CPNE4: variants seen among roughly 807,000 people sequenced by gnomAD.
CPNE4 encodes copine 4.
Under a neutral mutation model 67.9 loss-of-function variants are expected in CPNE4, and 25 were observed. The observed-to-expected ratio is 0.37, with a 90% confidence interval of 0.27 to 0.51. CPNE4 has a LOEUF of 0.51. CPNE4 is among the 20% of genes least tolerant of loss of function. The pLI is 0.93. For missense variants in CPNE4, 464 were observed against 690.8 expected (o/e 0.67, Z 3.68); for synonymous variants, 242 against 244.9 (o/e 0.99, Z 0.11).
chr3:131,855,463 T>C (rs16837915), intron 2 of CPNE4, among the ~76,000 whole-genome samples: 48,605 of 151,842 alleles, frequency 0.32, 8,315 homozygotes, highest in African/African-American at 0.42. Context: ...GTTCCATCTT[T>C]CACAGCACTC....
At chr3:131,825,730 G>A (rs1002950998) in intron 2 of CPNE4, among the ~76,000 whole-genome samples, 3 of 152,266 alleles carry the variant, frequency 2.0e-5, no homozygotes, top group South Asian at 4.2e-4. Context: ...TAAGGGCCAG[G>A]AGACAAGATC....
At chr3:131,716,665 G>C (rs1157705332) in intron 3 of CPNE4, among the ~76,000 whole-genome samples, 1 of 152,162 alleles carries the variant, frequency 6.6e-6, no homozygotes, top group African/African-American at 2.4e-5. Flanking sequence ...AGTAATAACA[G>C]CTTCCCCATC....
At chr3:131,843,608 G>T (rs2085880624) in intron 2 of CPNE4, among the ~76,000 whole-genome samples, 1 of 152,214 alleles carries the variant, frequency 6.6e-6, no homozygotes, top group African/African-American at 2.4e-5. Context: ...TGTTTGAACA[G>T]GTAGTACCTT....
In CPNE4 at chr3:131,555,498, G is replaced by A. The variant is rs1270638939; in HGVS notation, c.1115C>T (p.Thr372Met). 6.8e-6 allele frequency: 11 copies of A among 1,611,740 alleles called. No individual in the cohort carries two copies. The highest frequency in any genetic ancestry group is 3.3e-5 in the Admixed American group (2 of 59,822). The change falls in exon 12 of 16, where the codon ACG becomes ATG. Residue 372 changes from threonine to methionine, a missense_variant and splice_region_variant. Thr to Met is a moderately conservative substitution (Grantham distance 81, BLOSUM62 -1). Around this residue, in one of 6 missense-constraint regions of CPNE4, gnomAD observed 201 missense variants for 357.7 expected, o/e 0.56. Transcript: ENST00000429747. Reference protein sequence around the residue: ...GFGARIPPEYTVSHDFAINFN... With the variant: ...GFGARIPPEYMVSHDFAINFN... ...AAGATCACATCTCCACTCACTCACC[G>A]TGTACTCTGGAGGTATCCTGGCGCC...
intron 1 of CPNE4, among the ~76,000 whole-genome samples, chr3:131,953,248 A>AAAAAT (rs1560669085): frequency 0.013 from 1,870 of 142,468 alleles, 58 homozygotes; most frequent in African/African-American, 0.042. Flanking sequence ...TTAAAAAAAA[A>AAAAAT]AAAAAAAAAA....
chr3:131,809,146 T>G (rs1210430053), intron 2 of CPNE4, among the ~76,000 whole-genome samples: 1 of 152,154 alleles, frequency 6.6e-6, no homozygotes, highest in Non-Finnish European at 1.5e-5. Flanking sequence ...AGGGAGATTA[T>G]CTTAAATTAT....
intron 2 of CPNE4, among the ~76,000 whole-genome samples, chr3:131,778,232 C>T (rs1175990125): frequency 1.3e-5 from 2 of 152,122 alleles, no homozygotes; most frequent in African/African-American, 2.4e-5. Flanking sequence ...CTGACTCATA[C>T]TGCATGCACA....
chr3:132,013,062 A>C (rs1034342166), intron 1 of CPNE4, among the ~76,000 whole-genome samples: 3 of 152,122 alleles, frequency 2.0e-5, no homozygotes, highest in Admixed American at 2.0e-4. Context: ...ATCTCTACTA[A>C]AAATACAAAA....
At chr3:132,031,566 G>A (rs1024750111) in intron 1 of CPNE4, among the ~76,000 whole-genome samples, 2 of 152,132 alleles carry the variant, frequency 1.3e-5, no homozygotes. Context: ...AGACCACTCT[G>A]AAAATGTGTG....
Position 131,723,250 on chromosome 3 carries a change from T to C in CPNE4, c.360+196A>G, listed in dbSNP as rs200372250. Reference sequence around the variant, plus strand: ...GTTCTGAATTTTTCAAAATAAGAAATCGTACAGACTTGCAGAATCATCTCT... The same window carrying C: ...GTTCTGAATTTTTCAAAATAAGAAACCGTACAGACTTGCAGAATCATCTCT... On this transcript the variant is annotated intron_variant, in intron 3 of 15. Coordinates refer to ENST00000429747, the MANE Select transcript of CPNE4 (RefSeq NM_130808.3). Among the ~76,000 whole-genome samples the C allele has an allele frequency of 2.6e-5, 4 of 152,190 alleles. No individual in the cohort carries two copies. In the East Asian group the frequency reaches 7.7e-4, roughly 29 times the overall value.
At chr3:132,011,183 G>A (rs2073752498) in intron 1 of CPNE4, among the ~76,000 whole-genome samples, 1 of 152,194 alleles carries the variant, frequency 6.6e-6, no homozygotes, top group Admixed American at 6.5e-5. Context: ...ACAGCCTGCT[G>A]AGAAGAAGAG....
At chr3:131,866,071 G>T (rs2107681644) in intron 2 of CPNE4, among the ~76,000 whole-genome samples, 1 of 152,348 alleles carries the variant, frequency 6.6e-6, no homozygotes, top group African/African-American at 2.4e-5. Context: ...ATCCCTGAAA[G>T]GACTAACAGC....
At chr3:132,018,071 A>G (rs555075915) in intron 1 of CPNE4, among the ~76,000 whole-genome samples, 1 of 152,318 alleles carries the variant, frequency 6.6e-6, no homozygotes, top group African/African-American at 2.4e-5. Context: ...CTTTGTGGCA[A>G]TCCTAAAAAA....
At chr3:131,716,428 GAATA>G (rs1056669706) in intron 3 of CPNE4, among the ~76,000 whole-genome samples, 8 of 152,078 alleles carry the variant, frequency 5.3e-5, no homozygotes, top group African/African-American at 1.9e-4. Flanking sequence ...AGTATCAGAA[GAATA>G]AATACACGTG....
At chr3:131,895,013 A>G (rs1252895170) in intron 2 of CPNE4, among the ~76,000 whole-genome samples, 1 of 152,064 alleles carries the variant, frequency 6.6e-6, no homozygotes. Flanking sequence ...TTTGCACAAC[A>G]GAATACTATC....
intron 2 of CPNE4, among the ~76,000 whole-genome samples, chr3:131,901,716 G>C (rs923304772): frequency 2.0e-5 from 3 of 152,008 alleles, no homozygotes; most frequent in Non-Finnish European, 4.4e-5. Context: ...TCCAGCTTCT[G>C]CTGGATGGCC....
intron 10 of CPNE4, among the ~76,000 whole-genome samples, chr3:131,569,084 T>G (rs1253878706): frequency 1.3e-5 from 2 of 152,032 alleles, no homozygotes; most frequent in African/African-American, 4.8e-5. Context: ...AGAGGGCAGT[T>G]AAATAGGAAA....
intron 2 of CPNE4, among the ~76,000 whole-genome samples, chr3:131,747,118 GTTTTTTTT>G (rs60764409): frequency 7.0e-6 from 1 of 142,822 alleles, no homozygotes; most frequent in Non-Finnish European, 1.5e-5. Flanking sequence ...TTAAAATCAT[GTTTTTTTT>G]TTTTTTCTCT....
chr3:131,821,128 C>T (rs2084944891), intron 2 of CPNE4, among the ~76,000 whole-genome samples: 1 of 152,186 alleles, frequency 6.6e-6, no homozygotes, highest in Non-Finnish European at 1.5e-5. Flanking sequence ...CTTACAGGAT[C>T]TCCAGAGCCC....
Sources: gnomAD v4.1 joint callset for allele counts (sites outside exome capture counted in the v4.1 genomes callset) on GRCh38, gnomAD v4.1.1 for gene constraint, gnomAD v4.1.1 regional missense constraint, MANE v1.5 for transcripts, NCBI Gene and HGNC (gene_info 2026-07-23, HGNC 2026-07-21) for gene names.